The following UST variants were observed in gnomAD, a reference collection of about 807,000 sequenced individuals.
UST encodes chondroitin sulfate 2-O-sulfotransferase.
UST carries 21 observed loss-of-function variants against 45.6 expected under a neutral mutation model. The ratio of observed to expected loss-of-function variants is 0.46; its 90% CI spans 0.33 to 0.66. The LOEUF (loss-of-function observed/expected upper bound fraction) is 0.66, where lower values mean the gene tolerates loss of function less well. Ranked by LOEUF, UST falls within the 30% of genes least tolerant of loss-of-function variation. The pLI is 0.02. For synonymous variants in UST, 215 were observed against 200.6 expected (o/e 1.07, Z -0.61); for missense variants, 463 against 512.4 (o/e 0.90, Z 0.93).
chr6:148,953,116 C>G (rs1780398998), intron 3 of UST, among the ~76,000 whole-genome samples: 1 of 152,120 alleles, frequency 6.6e-6, no homozygotes, highest in African/African-American at 2.4e-5. Flanking sequence ...ATTTCATGGT[C>G]AAGGAGCACA....
intron 1 of UST, among the ~76,000 whole-genome samples, chr6:148,843,974 A>G (rs1777935590): frequency 6.6e-6 from 1 of 152,174 alleles, no homozygotes; most frequent in African/African-American, 2.4e-5. Context: ...GCTCAGAGTA[A>G]CTTTGGTTAA....
At chr6:148,893,662 T>C (rs1779063158) in intron 2 of UST, among the ~76,000 whole-genome samples, 1 of 152,174 alleles carries the variant, frequency 6.6e-6, no homozygotes, top group Non-Finnish European at 1.5e-5. Context: ...GAATGCACAG[T>C]CTATGCCCTC....
At chr6:148,751,334 G>A (rs999260081) in intron 1 of UST, among the ~76,000 whole-genome samples, 2 of 152,144 alleles carry the variant, frequency 1.3e-5, no homozygotes, top group Non-Finnish European at 2.9e-5. Flanking sequence ...ACCAGCCAAC[G>A]GCACCCACCC....
At chr6:148,833,174 G>A (rs1777721227) in intron 1 of UST, among the ~76,000 whole-genome samples, 1 of 152,170 alleles carries the variant, frequency 6.6e-6, no homozygotes, top group Non-Finnish European at 1.5e-5. Context: ...TAGAAAAATA[G>A]TATAAGCATG....
chr6:148,995,114 T>C (rs1781427737), intron 5 of UST, among the ~76,000 whole-genome samples: 1 of 152,082 alleles, frequency 6.6e-6, no homozygotes, highest in African/African-American at 2.4e-5. Context: ...AACCTCCGCC[T>C]CCCGGGTTCA....
intron 6 of UST, among the ~76,000 whole-genome samples, chr6:149,020,118 A>G (rs3798593): frequency 0.014 from 2,178 of 152,316 alleles, 60 homozygotes; most frequent in South Asian, 0.086. Context: ...CTACTTCTAC[A>G]CCGGCAACGC....
intron 1 of UST, among the ~76,000 whole-genome samples, chr6:148,885,574 T>A (rs192828668): frequency 1.7e-4 from 26 of 152,320 alleles, no homozygotes; most frequent in Admixed American, 7.2e-4. Context: ...TTTAAGTGTC[T>A]TATACACTAA....
At chr6:148,986,830 G>A (rs1027312571) in intron 5 of UST, among the ~76,000 whole-genome samples, 1 of 152,162 alleles carries the variant, frequency 6.6e-6, no homozygotes, top group African/African-American at 2.4e-5. Flanking sequence ...CTCCCTACCT[G>A]GATAGAAAGT....
chr6:149,021,975 G>A (rs1381897562), intron 7 of UST, among the ~76,000 whole-genome samples: 1 of 152,126 alleles, frequency 6.6e-6, no homozygotes, highest in Non-Finnish European at 1.5e-5. Context: ...TCCTGACAGT[G>A]GAATAGATAG....
chr6:148,839,369 T>G (rs1293044512), intron 1 of UST, among the ~76,000 whole-genome samples: 3 of 152,228 alleles, frequency 2.0e-5, no homozygotes, highest in Admixed American at 2.0e-4. Context: ...GTCTCTGCTT[T>G]CTTTCACCCT....
At chr6:148,838,880 C>A (rs4897059) in intron 1 of UST, among the ~76,000 whole-genome samples, 25,612 of 152,000 alleles carry the variant, frequency 0.17, 2,266 homozygotes, top group South Asian at 0.24. Context: ...GTGACTGCAG[C>A]GCGAGGCTCC....
chr6:148,925,463 G>GA (rs1779795631), intron 2 of UST, among the ~76,000 whole-genome samples: 2 of 152,256 alleles, frequency 1.3e-5, no homozygotes, highest in African/African-American at 4.8e-5. Flanking sequence ...AAGAAAAAGA[G>GA]AAAAAACCTT....
At chr6:149,048,992 T>G (rs577838862) in intron 7 of UST, among the ~76,000 whole-genome samples, 1 of 152,314 alleles carries the variant, frequency 6.6e-6, no homozygotes, top group African/African-American at 2.4e-5. Flanking sequence ...AAAATGCCCA[T>G]AGCTGCAGAA....
chr6:148,883,228 G>A (rs752607304), intron 1 of UST, among the ~76,000 whole-genome samples: 2 of 152,196 alleles, frequency 1.3e-5, no homozygotes, highest in Non-Finnish European at 2.9e-5. Flanking sequence ...AACTAACAAA[G>A]GTTTTAACTG....
At chr6:148,917,722 G>T (rs1779616324) in intron 2 of UST, among the ~76,000 whole-genome samples, 3 of 152,330 alleles carry the variant, frequency 2.0e-5, no homozygotes, top group Admixed American at 2.0e-4. Flanking sequence ...CAGCTTCAGG[G>T]TAGGGCTGAG....
Position 148,750,522 on chromosome 6 carries a change from C to T in UST, c.247+2845C>T, listed in dbSNP as rs184012554. ...AGAGTTATGAAGGACACATAGCAAG[C>T]GAGGCAGGACTTCAACCCATGTCTG... On this transcript the variant is annotated intron_variant, in intron 1 of 7. Coordinates refer to ENST00000367463, the MANE Select transcript of UST (RefSeq NM_005715.3). 3.5e-4 allele frequency among the ~76,000 whole-genome samples: 53 copies of T among 152,188 alleles called. No homozygotes were observed. In the East Asian group the frequency reaches 4.5e-3, roughly 13 times the overall value.
chr6:148,807,609 T>C (rs1777175523), intron 1 of UST, among the ~76,000 whole-genome samples: 1 of 152,170 alleles, frequency 6.6e-6, no homozygotes, highest in African/African-American at 2.4e-5. Context: ...AGATGAACTA[T>C]GCCAGGGGCA....
intron 1 of UST, among the ~76,000 whole-genome samples, chr6:148,858,334 G>C (rs1778243530): frequency 6.6e-6 from 1 of 152,114 alleles, no homozygotes; most frequent in Non-Finnish European, 1.5e-5. Flanking sequence ...TGAAGAACTT[G>C]GGTCTGATGT....
At position 148,792,744 on chromosome 6, in the gene UST, T is replaced by C. The variant is rs1483933294; in HGVS notation, c.247+45067T>C. Among the ~76,000 whole-genome samples, 5 of 152,226 alleles carry C rather than the reference T, an allele frequency of 3.3e-5. 1 individual carries two copies. The South Asian group carries it at 1.0e-3, about 31-fold the overall frequency. On this transcript the variant is annotated intron_variant, in intron 1 of 7. Coordinates refer to ENST00000367463, the MANE Select transcript of UST (RefSeq NM_005715.3). ...GACAAATTTAATGTTTAACACAACATTGCTTTGACTGTCTTTTGCTGTACT... is the reference window on the plus strand; with the variant it reads ...GACAAATTTAATGTTTAACACAACACTGCTTTGACTGTCTTTTGCTGTACT...
Sources: allele counts gnomAD v4.1 joint callset (sites outside exome capture counted in the v4.1 genomes callset), GRCh38; gene constraint gnomAD v4.1.1; transcripts MANE v1.5; gene names NCBI Gene and HGNC (gene_info 2026-07-23, HGNC 2026-07-21).